The following ANAPC10 variants were observed in gnomAD, a reference collection of about 807,000 sequenced individuals.
The protein encoded by ANAPC10 is anaphase-promoting complex subunit 10.
Under a neutral mutation model 22.0 loss-of-function variants are expected in ANAPC10, and 12 were observed. The observed-to-expected ratio is 0.55, with a 90% CI of 0.35 to 0.88. The LOEUF (loss-of-function observed/expected upper bound fraction) is 0.88. Ranked by LOEUF, ANAPC10 falls within the 40% of genes least tolerant of loss-of-function variation. The pLI is 0.01. For synonymous variants in ANAPC10, 65 were observed against 69.5 expected (o/e 0.94, Z 0.32); for missense variants, 188 against 220.9 (o/e 0.85, Z 0.94).
chr4:145,064,431 T>C lies in ANAPC10; in HGVS notation c.327+141A>G, dbSNP rs922812828. On this transcript the variant is annotated intron_variant, in intron 4 of 4. Transcript: ENST00000507656. ...CAATCAGAATTCAGAAGAAAAAAAT[T>C]TTACACTCAAACATGTTTTCTCCAA... 5.1e-6 allele frequency: 3 copies of C among 590,506 alleles called. No individual in the cohort carries two copies. The African/African-American group carries it at 5.7e-5, about 11-fold the overall frequency. 36.6% of individuals were successfully genotyped at this position (590,506 alleles called of 1,614,324 possible). A position where few individuals can be genotyped will look rare whatever the true frequency, so the allele number is the denominator to read the frequency against.
At chr4:145,097,772 T>C (rs1014923991) in intron 1 of ANAPC10, 3 of 345,538 alleles carry the variant, frequency 8.7e-6, no homozygotes, top group Non-Finnish European at 1.7e-5. Flanking sequence ...TAAAAAAAGA[T>C]AGAAATAAAG....
At chr4:145,013,178 C>G (rs1467466876) in intron 4 of ANAPC10, among the ~76,000 whole-genome samples, 3 of 152,018 alleles carry the variant, frequency 2.0e-5, no homozygotes. Context: ...TTACAGCAAT[C>G]TAAGAACAGA....
At chr4:144,997,747 A>C (rs1261954021) in intron 4 of ANAPC10, among the ~76,000 whole-genome samples, 1 of 152,216 alleles carries the variant, frequency 6.6e-6, no homozygotes, top group Non-Finnish European at 1.5e-5. Flanking sequence ...CCTTAAATGT[A>C]AATGGGCTAA....
At chr4:145,077,564 G>A (rs1289852545) in intron 3 of ANAPC10, among the ~76,000 whole-genome samples, 3 of 151,990 alleles carry the variant, frequency 2.0e-5, no homozygotes, top group African/African-American at 7.3e-5. Context: ...CAGAGATCCA[G>A]TAAAAGAAGA....
chr4:145,060,375 A>G (rs899509202), intron 4 of ANAPC10, among the ~76,000 whole-genome samples: 1 of 152,138 alleles, frequency 6.6e-6, no homozygotes, highest in East Asian at 1.9e-4. Context: ...GAGAGTTATC[A>G]ATAGAAGTAA....
intron 4 of ANAPC10, among the ~76,000 whole-genome samples, chr4:144,998,058 C>A (rs1024737780): frequency 6.6e-6 from 1 of 152,178 alleles, no homozygotes; most frequent in African/African-American, 2.4e-5. Flanking sequence ...GCACCCAATA[C>A]AGGAGCACCC....
chr4:145,034,268 C>T (rs933401987), intron 4 of ANAPC10, among the ~76,000 whole-genome samples: 2 of 151,934 alleles, frequency 1.3e-5, no homozygotes, highest in African/African-American at 4.8e-5. Flanking sequence ...AAGGCAGATC[C>T]ACCCTTAATC....
intron 4 of ANAPC10, among the ~76,000 whole-genome samples, chr4:145,040,129 A>ATGTG (rs35260688): frequency 6.8e-4 from 102 of 148,908 alleles, no homozygotes; most frequent in African/African-American, 2.4e-3. Flanking sequence ...GTGTGTGTGT[A>ATGTG]TGTGTGTGTG....
chr4:145,095,317 G>A (rs1383790588), intron 2 of ANAPC10, among the ~76,000 whole-genome samples: 1 of 152,176 alleles, frequency 6.6e-6, no homozygotes, highest in Non-Finnish European at 1.5e-5. Flanking sequence ...TCTGAGTAGT[G>A]TGAAGAAATT....
chr4:145,080,863 C>T (rs34687887), intron 3 of ANAPC10, among the ~76,000 whole-genome samples: 3 of 148,984 alleles, frequency 2.0e-5, no homozygotes, highest in South Asian at 2.1e-4. Flanking sequence ...CCCGAGATCA[C>T]GCCACTGCAC....
intron 4 of ANAPC10, among the ~76,000 whole-genome samples, chr4:145,019,619 A>C (rs755803180): frequency 8.5e-5 from 13 of 152,168 alleles, no homozygotes; most frequent in Non-Finnish European, 1.8e-4. Context: ...AATGAAACTA[A>C]AACAAAATTA....
At chr4:144,996,194 C>A (rs570540414) in intron 4 of ANAPC10, among the ~76,000 whole-genome samples, 1 of 152,176 alleles carries the variant, frequency 6.6e-6, no homozygotes, top group Non-Finnish European at 1.5e-5. Context: ...CCCCACGGCT[C>A]TACACTCCGA....
intron 3 of ANAPC10, among the ~76,000 whole-genome samples, chr4:145,073,214 C>A (rs1008089343): frequency 6.6e-6 from 1 of 152,164 alleles, no homozygotes; most frequent in Non-Finnish European, 1.5e-5. Context: ...TAAATGACAT[C>A]AGCACTTTAA....
At chr4:145,073,701 CAA>C (rs1744807677) in intron 3 of ANAPC10, among the ~76,000 whole-genome samples, 1 of 152,016 alleles carries the variant, frequency 6.6e-6, no homozygotes, top group African/African-American at 2.4e-5. Context: ...ATTAAACTAT[CAA>C]AATTTCTCTT....
chr4:145,071,264 G>A (rs1359442260), intron 3 of ANAPC10, among the ~76,000 whole-genome samples: 2 of 152,136 alleles, frequency 1.3e-5, no homozygotes, highest in Middle Eastern at 3.2e-3. Context: ...AAATTAGCCA[G>A]GCGTGGTGAT....
chr4:145,012,887 G>A (rs1257715399), intron 4 of ANAPC10, among the ~76,000 whole-genome samples: 2 of 152,124 alleles, frequency 1.3e-5, no homozygotes. Flanking sequence ...GGGGCCTGGT[G>A]GGAAATGACT....
intron 3 of ANAPC10, among the ~76,000 whole-genome samples, chr4:145,078,807 G>A (rs1447529746): frequency 6.6e-6 from 1 of 152,112 alleles, no homozygotes; most frequent in Non-Finnish European, 1.5e-5. Flanking sequence ...ATTGTACAGG[G>A]ATAACTGGCT....
At chr4:145,006,195 C>G (rs1336983186) in intron 4 of ANAPC10, among the ~76,000 whole-genome samples, 1 of 151,564 alleles carries the variant, frequency 6.6e-6, no homozygotes, top group Non-Finnish European at 1.5e-5. Flanking sequence ...GAGCTCTTTA[C>G]CATTATGTAA....
At chr4:145,064,752 T>C in intron 3 of ANAPC10, 60 bp from the exon 4 acceptor site, 1 of 1,316,924 alleles carries the variant, frequency 7.6e-7, no homozygotes. Context: ...TTCCAATGCA[T>C]CTTATCTTCT....
Sources: allele counts gnomAD v4.1 joint callset (sites outside exome capture counted in the v4.1 genomes callset), GRCh38; gene constraint gnomAD v4.1.1; transcripts MANE v1.5; gene names NCBI Gene and HGNC (gene_info 2026-07-23, HGNC 2026-07-21).